Variants in LRRC8D observed in about 807,000 individuals in gnomAD.
LRRC8D encodes the protein leucine rich repeat containing 8 VRAC subunit D.
Under a neutral mutation model 55.8 loss-of-function variants are expected in LRRC8D, and 20 were observed. The ratio of observed to expected loss-of-function variants is 0.36; its 90% CI spans 0.25 to 0.52. LRRC8D has a LOEUF of 0.52. LRRC8D is among the 20% of genes least tolerant of loss of function. The probability of loss-of-function intolerance (pLI) is 0.93; values close to 1 mark genes in which losing one functional copy is unlikely to be tolerated. For synonymous variants in LRRC8D, 352 were observed against 377.0 expected, an observed-to-expected ratio of 0.93 and a Z score of 0.77; for missense variants, 651 against 1,030.8, an observed-to-expected ratio of 0.63 and a Z score of 5.05.
At chr1:89,879,114 G>A (rs1001094061) in intron 2 of LRRC8D, among the ~76,000 whole-genome samples, 1 of 152,054 alleles carries the variant, frequency 6.6e-6, no homozygotes, top group African/African-American at 2.4e-5. Context: ...GCATTTGTCC[G>A]CTAGACTTTA....
chr1:89,933,699 A>G lies in LRRC8D; in HGVS notation c.631A>G (p.Lys211Glu). 1 of 1,614,178 alleles carries G rather than the reference A, an allele frequency of 6.2e-7. No homozygotes were observed. Among genetic ancestry groups the G allele is most frequent in the Non-Finnish European group, 8.5e-7 (1 of 1,180,042 alleles). ...GKCFESPWTT[K>E]ALSETACEDS... ...GTGCTTTGAATCCCCTTGGACGACA[A>G]AAGCGTTGTCTGAGACAGCATGCGA... The change falls in exon 3 of 3, where the codon AAA (lysine) becomes GAA (glutamate). Residue 211 changes from lysine to glutamate, a missense_variant. Transcript: ENST00000337338. The surrounding 1 kb of genome is among the most constrained non-coding windows in gnomAD (Gnocchi z 7.0).
intron 1 of LRRC8D, among the ~76,000 whole-genome samples, chr1:89,836,892 CGTGA>C (rs1314889220): frequency 6.6e-6 from 1 of 152,212 alleles, no homozygotes; most frequent in East Asian, 1.9e-4. Flanking sequence ...ATTAAAACAG[CGTGA>C]GTAATTTCCA....
intron 2 of LRRC8D, among the ~76,000 whole-genome samples, chr1:89,906,468 CT>C (rs971687700): frequency 3.9e-4 from 59 of 152,354 alleles, no homozygotes; most frequent in Middle Eastern, 6.8e-3. Context: ...AATCCCACCC[CT>C]GACTCTGCCT....
rs1663122741 is a variant in LRRC8D at position 89,911,033 on chromosome 1, CA to C, written c.-2-22033del. Among the ~76,000 whole-genome samples, 1 of 152,152 alleles carries C rather than the reference CA, an allele frequency of 6.6e-6. No individual in the cohort carries two copies. Among genetic ancestry groups the C allele is most frequent in the Non-Finnish European group, 1.5e-5 (1 of 68,034 alleles). On this transcript the variant is annotated intron_variant, in intron 2 of 2. Coordinates refer to ENST00000337338, the MANE Select transcript of LRRC8D (RefSeq NM_001134479.2). The surrounding 1 kb of genome is among the most constrained non-coding windows in gnomAD (Gnocchi z 4.0). ...TAGAAATGCTAAATATTTCTTTTCC[CA>C]CCTTCTTTTCAGTGTAATCTGACCT...
chr1:89,855,727 C>T (rs1309279845), intron 2 of LRRC8D, among the ~76,000 whole-genome samples: 1 of 152,160 alleles, frequency 6.6e-6, no homozygotes, highest in Non-Finnish European at 1.5e-5. Context: ...ATTATATACT[C>T]TTCAAAGTGA....
chr1:89,928,806 A>G (rs897892167), intron 2 of LRRC8D, among the ~76,000 whole-genome samples: 1 of 152,186 alleles, frequency 6.6e-6, no homozygotes, highest in African/African-American at 2.4e-5. Flanking sequence ...AACAGCTGCA[A>G]AATAACACTG....
At chr1:89,932,993 G>T in intron 2 of LRRC8D, 74 bp from the exon 3 acceptor site, 2 of 1,331,412 alleles carry the variant, frequency 1.5e-6, no homozygotes, top group Non-Finnish European at 1.0e-6. Context: ...GTTAGGAGCA[G>T]GCATAGGGTT....
chr1:89,915,045 T>G (rs996990868), intron 2 of LRRC8D, among the ~76,000 whole-genome samples: 28 of 150,266 alleles, frequency 1.9e-4, no homozygotes, highest in African/African-American at 6.2e-4. Flanking sequence ...TGTGTGTGTG[T>G]GGTGTGTGTG....
chr1:89,888,903 A>C (rs556935624), intron 2 of LRRC8D, among the ~76,000 whole-genome samples: 19 of 152,380 alleles, frequency 1.2e-4, no homozygotes, highest in African/African-American at 4.6e-4. Context: ...TTGAATCAAT[A>C]AATAAATGAG....
At chr1:89,849,432 T>C (rs1347346863) in intron 2 of LRRC8D, among the ~76,000 whole-genome samples, 1 of 152,082 alleles carries the variant, frequency 6.6e-6, no homozygotes, top group Non-Finnish European at 1.5e-5. Context: ...TGCATAATTT[T>C]ACTGGGAACT....
chr1:89,934,353 C>CTA lies in LRRC8D; in HGVS notation c.1289_1290dup (p.Ser431IlefsTer22). Reference sequence around the variant, plus strand: ...TCACATGGTAGACCAGTATGACCAGCTATATTCCAAGCGTTTTGGTGTGTT... The same window carrying CTA: ...TCACATGGTAGACCAGTATGACCAGCTATATATTCCAAGCGTTTTGGTGTGTT... On this transcript the variant is annotated frameshift_variant, in exon 3 of 3. Coordinates refer to ENST00000337338, the MANE Select transcript of LRRC8D (RefSeq NM_001134479.2). LOFTEE classifies it high-confidence loss of function. This position sits in a 1 kb window ranked among gnomAD's most constrained non-coding sequence, Gnocchi z 5.9. The CTA allele has an allele frequency of 6.2e-7, 1 of 1,613,840 alleles. No individual in the cohort carries two copies.
rs148503883 is a variant in LRRC8D at position 89,853,787 on chromosome 1, A to G, written c.-3+10005A>G. Among the ~76,000 whole-genome samples the G allele has an allele frequency of 4.1e-3, 618 of 152,286 alleles. 3 individuals carry two copies. Among genetic ancestry groups the G allele is most frequent in the African/African-American group, 0.014 (580 of 41,544 alleles). ...GGTAGTCAGAAGACCTCTAAAGCCTAACACTGGATTGTCACCAGTGAGGAA... is the reference window on the plus strand; with the variant it reads ...GGTAGTCAGAAGACCTCTAAAGCCTGACACTGGATTGTCACCAGTGAGGAA... On this transcript the variant is annotated intron_variant, in intron 2 of 2. Coordinates refer to ENST00000337338, the MANE Select transcript of LRRC8D (RefSeq NM_001134479.2).
At chr1:89,920,591 C>A (rs1367030004) in intron 2 of LRRC8D, among the ~76,000 whole-genome samples, 1 of 149,894 alleles carries the variant, frequency 6.7e-6, no homozygotes, top group East Asian at 2.0e-4. Flanking sequence ...CAGTGACTTA[C>A]GTTTCGTTTC....
chr1:89,882,413 C>T lies in LRRC8D; in HGVS notation c.-3+38631C>T, dbSNP rs77956906. Among the ~76,000 whole-genome samples, 1,426 of 152,328 alleles carry T rather than the reference C, an allele frequency of 9.4e-3. 22 individuals are homozygous for T. Among genetic ancestry groups the T allele is most frequent in the African/African-American group, 0.033 (1,386 of 41,564 alleles). On this transcript the variant is annotated intron_variant, in intron 2 of 2. Transcript: ENST00000337338. ...AATTTTAAAAATTAATATGAGTCTA[C>T]TCAAGGGTAAGCAGATAAATTATAA...
At chr1:89,878,040 T>C (rs999937488) in intron 2 of LRRC8D, among the ~76,000 whole-genome samples, 6 of 152,166 alleles carry the variant, frequency 3.9e-5, no homozygotes, top group African/African-American at 1.4e-4. Context: ...GTGATAGAAA[T>C]TGAAAAATGA....
chr1:89,897,370 C>A (rs1018052545), intron 2 of LRRC8D, among the ~76,000 whole-genome samples: 2 of 152,272 alleles, frequency 1.3e-5, no homozygotes, highest in Non-Finnish European at 2.9e-5. Flanking sequence ...TATCTACAGG[C>A]CTGTTGCCAT....
At chr1:89,836,514 T>G (rs949268584) in intron 1 of LRRC8D, among the ~76,000 whole-genome samples, 13 of 152,208 alleles carry the variant, frequency 8.5e-5, no homozygotes, top group Admixed American at 3.3e-4. Flanking sequence ...AACTCAGCCT[T>G]TGAGCCCCTT....
chr1:89,903,476 G>A (rs1662914056), intron 2 of LRRC8D, among the ~76,000 whole-genome samples: 1 of 152,114 alleles, frequency 6.6e-6, no homozygotes, highest in Admixed American at 6.5e-5. Flanking sequence ...TTTTCAATGA[G>A]GTACACAGTA....
At chr1:89,906,895 A>T (rs1205437450) in intron 2 of LRRC8D, among the ~76,000 whole-genome samples, 1 of 151,956 alleles carries the variant, frequency 6.6e-6, no homozygotes, top group Non-Finnish European at 1.5e-5. Context: ...GTTGCATTCC[A>T]ACCTGTCAAC....
Sources: allele counts gnomAD v4.1 joint callset (sites outside exome capture counted in the v4.1 genomes callset), GRCh38; gene constraint gnomAD v4.1.1; non-coding constraint Gnocchi (gnomAD v3.1); transcripts MANE v1.5; gene names NCBI Gene and HGNC (gene_info 2026-07-23, HGNC 2026-07-21).